The following VPS13D variants were observed in gnomAD, a reference collection of about 807,000 sequenced individuals.
The protein encoded by VPS13D is vacuolar protein sorting 13 homolog D.
Under a neutral mutation model 461.9 loss-of-function variants are expected in VPS13D, and 187 were observed. The ratio of observed to expected loss-of-function variants is 0.40; its 90% CI spans 0.36 to 0.46. The LOEUF (loss-of-function observed/expected upper bound fraction) is 0.46. Among genes scored for constraint, VPS13D ranks in the 20% least tolerant of loss-of-function variants. The pLI is 0.60. For synonymous variants in VPS13D, 1,951 were observed against 1,986.3 expected, an observed-to-expected ratio of 0.98 and a Z score of 0.47; for missense variants, 4,711 against 5,364.9, an observed-to-expected ratio of 0.88 and a Z score of 3.81.
At chr1:12,429,821 G>T (rs891639904) in intron 65 of VPS13D, among the ~76,000 whole-genome samples, 1 of 152,208 alleles carries the variant, frequency 6.6e-6, no homozygotes, top group Non-Finnish European at 1.5e-5. Flanking sequence ...GGGCACTATT[G>T]ATTGGACCCA....
rs1336634088 is a variant in VPS13D at position 12,495,941 on chromosome 1, A to G, written c.12663-1559A>G. On this transcript the variant is annotated intron_variant, in intron 67 of 69. Transcript: ENST00000620676. The surrounding 1 kb of genome is among the most constrained non-coding windows in gnomAD (Gnocchi z 4.0). ...AACCCCGCTGCCTGCAGAGGTTACC[A>G]GCATCCTCTCGGCAGCAGTCGTCCA... Among the ~76,000 whole-genome samples the G allele has an allele frequency of 6.6e-6, 1 of 152,220 alleles. No homozygotes were observed. Among genetic ancestry groups the G allele is most frequent in the Non-Finnish European group, 1.5e-5 (1 of 68,038 alleles).
chr1:12,360,262 C>T (rs1255919201), intron 50 of VPS13D, among the ~76,000 whole-genome samples: 4 of 152,154 alleles, frequency 2.6e-5, no homozygotes, highest in Non-Finnish European at 4.4e-5. Flanking sequence ...TATATTCCCA[C>T]AAGGGAATTT....
At chr1:12,343,186 T>G in intron 42 of VPS13D, 135 bp downstream of exon 42, 1 of 736,968 alleles carries the variant, frequency 1.4e-6, no homozygotes, top group East Asian at 4.5e-5. Context: ...TTTATTTTAT[T>G]TTTGAGACAG....
At chr1:12,373,452 C>T (rs942312438) in intron 54 of VPS13D, among the ~76,000 whole-genome samples, 1 of 151,098 alleles carries the variant, frequency 6.6e-6, no homozygotes, top group Non-Finnish European at 1.5e-5. Context: ...GGTGGGGGGG[C>T]CTCTAAAGAT....
At chr1:12,286,105 T>A (rs1425459368) in intron 21 of VPS13D, among the ~76,000 whole-genome samples, 1 of 150,734 alleles carries the variant, frequency 6.6e-6, no homozygotes, top group Non-Finnish European at 1.5e-5. Context: ...TTCGAAGGAG[T>A]CTTGCTCTGT....
chr1:12,321,652 T>TG (rs1279516121), intron 32 of VPS13D, among the ~76,000 whole-genome samples, 157 bp from the exon 33 acceptor site: 1 of 152,114 alleles, frequency 6.6e-6, no homozygotes, highest in Non-Finnish European at 1.5e-5. Context: ...TCGGCAGCGG[T>TG]GGGGGGCTTC....
chr1:12,363,211 A>C lies in VPS13D; in HGVS notation c.10412A>C (p.Glu3471Ala), dbSNP rs1643977172. ...AATTGTATTTGGTCTGGAGGCTTTG[A>C]AGTCAACAAGAATAATTCCTTCCAT... ...VPNCIWSGGF[E>A]VNKNNSFHIN... is the part of the protein sequence containing the mutation. The change falls in exon 52 of 70, where the codon GAA becomes GCA. Residue 3471 changes from glutamate (E) to alanine (A), a missense_variant. Physicochemically the swap from Glu to Ala is moderately radical, Grantham distance 107 (BLOSUM62 -1). Coordinates refer to ENST00000620676, the MANE Select transcript of VPS13D (RefSeq NM_015378.4). The C allele has an allele frequency of 6.2e-7, 1 of 1,614,074 alleles. No individual in the cohort carries two copies. The highest frequency in any genetic ancestry group is 8.5e-7 in the Non-Finnish European group (1 of 1,180,046).
At chr1:12,256,052 T>C (rs1436738644) in intron 7 of VPS13D, among the ~76,000 whole-genome samples, 1 of 152,112 alleles carries the variant, frequency 6.6e-6, no homozygotes, top group Non-Finnish European at 1.5e-5. Context: ...CATTTGCTGT[T>C]GGCCAGGCAC....
chr1:12,339,036 A>G (rs1490881351), intron 40 of VPS13D, among the ~76,000 whole-genome samples: 1 of 152,096 alleles, frequency 6.6e-6, no homozygotes, highest in South Asian at 2.1e-4. Flanking sequence ...GAAAGAGACC[A>G]CAGGAACTCC....
At position 12,277,148 on chromosome 1, in the gene VPS13D, A is replaced by G; in HGVS notation, c.3560A>G (p.Glu1187Gly). The change falls in exon 19 of 70, where the codon GAG (glutamate) becomes GGG (glycine). Residue 1187 changes from glutamate to glycine, a missense_variant. By Grantham distance (98) the Glu-to-Gly change is moderately conservative. This residue lies in a region of VPS13D where 4,411 missense variants were observed against 4,937.8 expected (regional missense o/e 0.89). Transcript: ENST00000620676. ...CGGACAGTGGGCATGGCAAATAGAG[A>G]GAAATATGGCAGAAAAATTGCAACT... ...LLRTVGMANR[E>G]KYGRKIATAS... 1 of 1,614,218 alleles carries G rather than the reference A, an allele frequency of 6.2e-7. No homozygotes were observed. Among genetic ancestry groups the G allele is most frequent in the Admixed American group, 1.7e-5 (1 of 60,020 alleles).
At chr1:12,493,675 A>G (rs536985563) in intron 67 of VPS13D, among the ~76,000 whole-genome samples, 1 of 152,172 alleles carries the variant, frequency 6.6e-6, no homozygotes, top group Non-Finnish European at 1.5e-5. Context: ...AGATGAAGAA[A>G]ACAGCGTCGT....
At chr1:12,401,961 G>A (rs1644587864) in intron 62 of VPS13D, among the ~76,000 whole-genome samples, 1 of 152,136 alleles carries the variant, frequency 6.6e-6, no homozygotes, top group Admixed American at 6.5e-5. Flanking sequence ...TATACCTTTG[G>A]GAAGCAGTAT....
At position 12,507,578 on chromosome 1, in the gene VPS13D, C is replaced by T. The variant is rs72869534; in HGVS notation, c.13035+485C>T. On this transcript the variant is annotated intron_variant, in intron 69 of 69. Coordinates refer to ENST00000620676, the MANE Select transcript of VPS13D (RefSeq NM_015378.4). The surrounding 1 kb of genome is among the most constrained non-coding windows in gnomAD (Gnocchi z 5.3). Reference sequence around the variant, plus strand: ...TATTTGTAAATAAAAGTTATACTTTCCCTCCAAAGGGGACAAGGTATTGTT... The same window carrying T: ...TATTTGTAAATAAAAGTTATACTTTTCCTCCAAAGGGGACAAGGTATTGTT... 3.8e-3 allele frequency among the ~76,000 whole-genome samples: 586 copies of T among 152,328 alleles called. 4 individuals are homozygous for T. Among genetic ancestry groups the T allele is most frequent in the African/African-American group, 0.014 (566 of 41,564 alleles).
intron 68 of VPS13D, among the ~76,000 whole-genome samples, chr1:12,498,440 A>G (rs1645989557): frequency 2.0e-5 from 3 of 152,250 alleles, no homozygotes; most frequent in East Asian, 1.9e-4. Flanking sequence ...TGTTAGGGAC[A>G]GTGTTAAGTA....
intron 65 of VPS13D, among the ~76,000 whole-genome samples, chr1:12,435,975 G>T (rs984615831): frequency 7.9e-5 from 12 of 152,238 alleles, no homozygotes; most frequent in African/African-American, 2.6e-4. Context: ...TACACATCGA[G>T]CTGACTATAG....
intron 38 of VPS13D, among the ~76,000 whole-genome samples, chr1:12,334,387 G>A (rs1367089530): frequency 1.3e-5 from 2 of 152,208 alleles, no homozygotes; most frequent in Non-Finnish European, 2.9e-5. Flanking sequence ...AAAGTTTGTG[G>A]TAGTCTTTTG....
At chr1:12,306,941 C>T (rs1001212914) in intron 26 of VPS13D, among the ~76,000 whole-genome samples, 5 of 152,172 alleles carry the variant, frequency 3.3e-5, no homozygotes, top group Admixed American at 6.6e-5. Flanking sequence ...TGGTAATGCT[C>T]GCTGACCTCC....
intron 29 of VPS13D, among the ~76,000 whole-genome samples, chr1:12,312,184 C>T (rs1387752523): frequency 2.0e-5 from 3 of 152,160 alleles, no homozygotes; most frequent in Admixed American, 6.5e-5. Context: ...TCTTTTTCTC[C>T]CTCATACTCT....
rs115419621 is a variant in VPS13D, at chr1:12,384,508, G to T, written c.11371-752G>T. Among the ~76,000 whole-genome samples the T allele has an allele frequency of 4.3e-3, 650 of 152,142 alleles. 3 individuals are homozygous for T. Among genetic ancestry groups the T allele is most frequent in the African/African-American group, 0.015 (626 of 41,486 alleles). On this transcript the variant is annotated intron_variant, in intron 58 of 69. Transcript: ENST00000620676. Reference sequence around the variant, plus strand: ...AACCCAGGGGAGAGATCTGTGATGGGGATAAGGGTTTATTAGGTCATAGCG... The same window carrying T: ...AACCCAGGGGAGAGATCTGTGATGGTGATAAGGGTTTATTAGGTCATAGCG...
Sources: allele counts gnomAD v4.1 joint callset (sites outside exome capture counted in the v4.1 genomes callset), GRCh38; gene constraint gnomAD v4.1.1; regional missense constraint gnomAD v4.1.1; non-coding constraint Gnocchi (gnomAD v3.1); transcripts MANE v1.5; gene names NCBI Gene and HGNC (gene_info 2026-07-23, HGNC 2026-07-21).